The following SGCD variants were observed in gnomAD, a reference collection of about 807,000 sequenced individuals.
SGCD encodes sarcoglycan delta.
SGCD carries 18 observed loss-of-function variants against 36.6 expected under a neutral mutation model. The ratio of observed to expected loss-of-function variants is 0.49; its 90% CI spans 0.34 to 0.73. SGCD has a LOEUF of 0.73. Among genes scored for constraint, SGCD ranks in the 30% least tolerant of loss-of-function variants. SGCD has a pLI of 0.01. For synonymous variants in SGCD, 133 were observed against 130.6 expected, an observed-to-expected ratio of 1.02 and a Z score of -0.12; for missense variants, 387 against 346.7, an observed-to-expected ratio of 1.12 and a Z score of -0.92.
At chr5:155,943,498 A>T (rs930807774) in intron 1 of SGCD, among the ~76,000 whole-genome samples, 2 of 152,228 alleles carry the variant, frequency 1.3e-5, no homozygotes, top group African/African-American at 4.8e-5. Context: ...ACATAGGCAT[A>T]TATAAGACAT....
At chr5:155,928,819 ATAAAT>A (rs1757045171) in intron 1 of SGCD, among the ~76,000 whole-genome samples, 1 of 152,140 alleles carries the variant, frequency 6.6e-6, no homozygotes, top group African/African-American at 2.4e-5. Flanking sequence ...TTAAGGACAA[ATAAAT>A]TAAGCATATT....
At chr5:156,409,690 T>C (rs552267123) in intron 3 of SGCD, among the ~76,000 whole-genome samples, 1 of 152,216 alleles carries the variant, frequency 6.6e-6, no homozygotes, top group Non-Finnish European at 1.5e-5. Flanking sequence ...ATAGAAATAG[T>C]AATTATAATT....
chr5:155,781,652 G>A, the SGCD span, among the ~76,000 whole-genome samples: 156 of 152,012 alleles, frequency 1.0e-3, no homozygotes, highest in African/African-American at 2.3e-3. Context: ...TGTATTTTTT[G>A]TAGAGACGGG....
chr5:156,360,052 G>A lies in SGCD; in HGVS notation c.192+15375G>A, dbSNP rs188203047. 1.9e-3 allele frequency among the ~76,000 whole-genome samples: 286 copies of A among 152,246 alleles called. 1 individual carries two copies. Among genetic ancestry groups the A allele is most frequent in the Non-Finnish European group, 3.5e-3 (241 of 68,020 alleles). ...GTGCAAAGTGATAGTGACAGGAGCAGCCAAATGTCCAGGCAGACAGGGGCG... is the reference window on the plus strand; with the variant it reads ...GTGCAAAGTGATAGTGACAGGAGCAACCAAATGTCCAGGCAGACAGGGGCG... On this transcript the variant is annotated intron_variant, in intron 3 of 8. Transcript: ENST00000337851.
chr5:155,838,822 G>A, the SGCD span, among the ~76,000 whole-genome samples: 1 of 150,310 alleles, frequency 6.7e-6, no homozygotes, highest in Non-Finnish European at 1.5e-5. Context: ...TTTTGGGGGG[G>A]AATATAGCTA....
At chr5:156,112,703 G>T (rs1157434490) in intron 1 of SGCD, among the ~76,000 whole-genome samples, 2 of 152,118 alleles carry the variant, frequency 1.3e-5, no homozygotes, top group African/African-American at 4.8e-5. Context: ...AGGTAAATAG[G>T]TGAATTGTTT....
At chr5:156,706,089 T>A (rs1452945072) in intron 7 of SGCD, among the ~76,000 whole-genome samples, 1 of 152,196 alleles carries the variant, frequency 6.6e-6, no homozygotes, top group African/African-American at 2.4e-5. Flanking sequence ...TTTAGCATAT[T>A]ATCTACCTTC....
the SGCD span, among the ~76,000 whole-genome samples, chr5:155,858,386 C>G: frequency 6.6e-6 from 1 of 152,136 alleles, no homozygotes. Flanking sequence ...GATTAAGCAT[C>G]TGAAGTTATG....
intron 3 of SGCD, among the ~76,000 whole-genome samples, chr5:156,423,401 T>TTATAATATATTATATTTTATTATAA (rs1773505903): frequency 1.0e-5 from 1 of 98,818 alleles, no homozygotes. Context: ...TTATATTTTA[T>TTATAATATATTATATTTTATTATAA]TATAATATAA....
At chr5:155,891,823 A>T (rs190504948) in intron 1 of SGCD, among the ~76,000 whole-genome samples, 3 of 152,030 alleles carry the variant, frequency 2.0e-5, no homozygotes, top group African/African-American at 7.2e-5. Context: ...TTAACAAGAG[A>T]AAAATCATTA....
intron 3 of SGCD, among the ~76,000 whole-genome samples, chr5:156,471,877 A>T (rs1388986980): frequency 6.6e-6 from 1 of 152,120 alleles, no homozygotes; most frequent in Non-Finnish European, 1.5e-5. Flanking sequence ...ATACATACAC[A>T]ACGAATTTAT....
the SGCD span, among the ~76,000 whole-genome samples, chr5:155,786,356 T>G: frequency 6.6e-6 from 1 of 152,146 alleles, no homozygotes; most frequent in East Asian, 1.9e-4. Flanking sequence ...GGTTCACATA[T>G]GCCCAGCTTA....
intron 7 of SGCD, among the ~76,000 whole-genome samples, chr5:156,753,172 G>A (rs1465896808): frequency 6.6e-6 from 1 of 152,170 alleles, no homozygotes; most frequent in Non-Finnish European, 1.5e-5. Flanking sequence ...AGCCCACCAG[G>A]TGATTCTGAT....
chr5:156,678,481 G>A (rs74912097), intron 7 of SGCD, among the ~76,000 whole-genome samples: 2,639 of 152,258 alleles, frequency 0.017, 32 homozygotes, highest in Non-Finnish European at 0.029. Flanking sequence ...AAATACATAA[G>A]TGTATGAAAA....
chr5:156,019,531 A>C (rs1414413535), intron 1 of SGCD, among the ~76,000 whole-genome samples: 1 of 152,240 alleles, frequency 6.6e-6, no homozygotes, highest in Non-Finnish European at 1.5e-5. Flanking sequence ...TATTGAATAA[A>C]GATCAGTAAT....
intron 3 of SGCD, among the ~76,000 whole-genome samples, chr5:156,145,073 G>A (rs977970020): frequency 5.9e-5 from 9 of 152,180 alleles, no homozygotes; most frequent in Non-Finnish European, 1.0e-4. Flanking sequence ...AATCTCATGT[G>A]GAATTATAAT....
chr5:156,452,976 A>G (rs1033663623), intron 3 of SGCD, among the ~76,000 whole-genome samples: 1 of 152,182 alleles, frequency 6.6e-6, no homozygotes, highest in Non-Finnish European at 1.5e-5. Context: ...AAGCTACATT[A>G]GGTAGAATAG....
chr5:156,714,342 A>C (rs1755128079), intron 7 of SGCD, among the ~76,000 whole-genome samples: 1 of 152,220 alleles, frequency 6.6e-6, no homozygotes, highest in Non-Finnish European at 1.5e-5. Flanking sequence ...ATGGCCCCCA[A>C]CTATAGTCCT....
At chr5:156,688,040 T>C (rs960415746) in intron 7 of SGCD, among the ~76,000 whole-genome samples, 1 of 152,156 alleles carries the variant, frequency 6.6e-6, no homozygotes, top group African/African-American at 2.4e-5. Flanking sequence ...TACAGAACAC[T>C]TCAGCTTTGA....
Sources: gnomAD v4.1 joint callset for allele counts (sites outside exome capture counted in the v4.1 genomes callset) on GRCh38, gnomAD v4.1.1 for gene constraint, MANE v1.5 for transcripts, NCBI Gene and HGNC (gene_info 2026-07-23, HGNC 2026-07-21) for gene names.